TFAP2C: variants seen among roughly 807,000 people sequenced by gnomAD.
TFAP2C encodes transcription factor AP-2 gamma.
Under a neutral mutation model 42.9 loss-of-function variants are expected in TFAP2C, and 9 were observed. The observed-to-expected ratio is 0.21, with a 90% confidence interval of 0.13 to 0.37. TFAP2C has a LOEUF of 0.37. Ranked by LOEUF, TFAP2C falls within the 10% of genes least tolerant of loss-of-function variation. TFAP2C has a pLI of 1.00. For missense variants in TFAP2C, 462 were observed against 591.7 expected (o/e 0.78, Z 2.27); for synonymous variants, 264 against 256.0 (o/e 1.03, Z -0.30).
Position 56,629,518 on chromosome 20 carries a change from C to T in TFAP2C, c.-27C>T, listed in dbSNP as rs756851822. 1 of 1,399,306 alleles carries T rather than the reference C, an allele frequency of 7.1e-7. No homozygotes were observed. 86.7% of individuals were successfully genotyped at this position (1,399,306 alleles called of 1,614,324 possible). A position where few individuals can be genotyped will look rare whatever the true frequency, so the allele number is the denominator to read the frequency against. On this transcript the variant is annotated 5_prime_UTR_variant, in exon 1 of 7. Transcript: ENST00000201031. The surrounding 1 kb of genome is among the most constrained non-coding windows in gnomAD (Gnocchi z 5.9). ...CTGGGGGGATCCTGGATTTAACTGG[C>T]GACTGTTTTGGGGGACGCCGGACGC...
In TFAP2C at chr20:56,629,573, A is replaced by C; in HGVS notation, c.29A>C (p.Lys10Thr). The change falls in exon 1 of 7, where the codon AAG (lysine) becomes ACG (threonine). Residue 10 changes from lysine to threonine, a missense_variant. Physicochemically the swap from Lys to Thr is moderately conservative, Grantham distance 78 (BLOSUM62 -1). This residue lies in a region of TFAP2C where 271 missense variants were observed against 269.7 expected (regional missense o/e 1.00). Transcript: ENST00000201031. This position sits in a 1 kb window ranked among gnomAD's most constrained non-coding sequence, Gnocchi z 5.9. ...TTGTGGAAAATAACCGATAATGTCA[A>C]GTACGAAGAGGACTGCGAGGTGAGC... Reference protein sequence around the residue: MLWKITDNVKYEEDCEDRHD... With the variant: MLWKITDNVTYEEDCEDRHD... The C allele has an allele frequency of 1.4e-6, 2 of 1,424,518 alleles. No homozygotes were observed. The highest frequency in any genetic ancestry group is 1.8e-6 in the Non-Finnish European group (2 of 1,087,294). 88.2% of individuals were successfully genotyped at this position (1,424,518 alleles called of 1,614,324 possible). A position where few individuals can be genotyped will look rare whatever the true frequency, so the allele number is the denominator to read the frequency against.
Position 56,629,655 on chromosome 20 carries a change from C to T in TFAP2C, c.48+63C>T. On this transcript the variant is annotated intron_variant, in intron 1 of 6. Coordinates refer to ENST00000201031, the MANE Select transcript of TFAP2C (RefSeq NM_003222.4). This position sits in a 1 kb window ranked among gnomAD's most constrained non-coding sequence, Gnocchi z 5.9. The stretch of plus-strand genomic sequence containing the variant: ...AGGACAGTCCGGGAGGCAGGGGCCA[C>T]TGGACCGAGGTCGGGGACGAGGGCA... 4 of 1,306,278 alleles carry T rather than the reference C, an allele frequency of 3.1e-6. No homozygotes were observed. The highest frequency in any genetic ancestry group is 4.0e-6 in the Non-Finnish European group (4 of 1,010,058). 80.9% of individuals were successfully genotyped at this position (1,306,278 alleles called of 1,614,324 possible).
chr20:56,632,736 A>G (rs2146447253), intron 3 of TFAP2C, among the ~76,000 whole-genome samples: 1 of 150,930 alleles, frequency 6.6e-6, no homozygotes, highest in African/African-American at 2.5e-5. Context: ...TCTTGAGGGG[A>G]AAAAACTCAC....
chr20:56,636,896 G>A (rs2146449650), intron 6 of TFAP2C, 142 bp downstream of exon 6: 5 of 1,052,106 alleles, frequency 4.8e-6, no homozygotes, highest in Non-Finnish European at 4.0e-6. Flanking sequence ...AATGGCAAGG[G>A]AGCTTCTTTT....
In TFAP2C at chr20:56,629,560, A is replaced by G. The variant is rs969831066; in HGVS notation, c.16A>G (p.Thr6Ala). The G allele has an allele frequency of 4.2e-6, 6 of 1,427,298 alleles. No homozygotes were observed. In the South Asian group the frequency reaches 8.7e-5, roughly 21 times the overall value. The allele number at this position is 1,427,298 out of a possible 1,614,324, so 88.4% of individuals were successfully genotyped here. Residue 6 changes from threonine (T) to alanine (A), a missense_variant, in exon 1 of 7, where the codon ACC becomes GCC. Transcript: ENST00000201031. This position sits in a 1 kb window ranked among gnomAD's most constrained non-coding sequence, Gnocchi z 5.9. Reference sequence around the variant, plus strand: ...GCCGGACGCCATGTTGTGGAAAATAACCGATAATGTCAAGTACGAAGAGGA... The same window carrying G: ...GCCGGACGCCATGTTGTGGAAAATAGCCGATAATGTCAAGTACGAAGAGGA... MLWKITDNVKYEEDCE... is the reference protein window; with the variant it reads MLWKIADNVKYEEDCE...
rs1228655239 is a variant in TFAP2C at position 56,630,714 on chromosome 20, C to T, written c.49-491C>T. 8.1e-6 allele frequency: 8 copies of T among 985,334 alleles called. No homozygotes were observed. Among genetic ancestry groups the T allele is most frequent in the African/African-American group, 1.7e-5 (1 of 57,350 alleles). 61.0% of individuals were successfully genotyped at this position (985,334 alleles called of 1,614,324 possible). On this transcript the variant is annotated intron_variant, in intron 1 of 6. Transcript: ENST00000201031. This position sits in a 1 kb window ranked among gnomAD's most constrained non-coding sequence, Gnocchi z 5.1. ...GGCGTGGAAGGGAGGGTCCCGGGGG[C>T]GGGGGAGGTGCGCATTTCCCGCGCC...
rs1450607490 is a variant in TFAP2C, at chr20:56,629,914, A to G, written c.48+322A>G. On this transcript the variant is annotated intron_variant, in intron 1 of 6. Transcript: ENST00000201031. The surrounding 1 kb of genome is among the most constrained non-coding windows in gnomAD (Gnocchi z 5.9). ...AAAGTGCCCCGTCTGCAACCCTCAG[A>G]CGTGGCTTTTACGCACGAAGTCTCT... Among the ~76,000 whole-genome samples, 1 of 151,966 alleles carries G rather than the reference A, an allele frequency of 6.6e-6. No individual in the cohort carries two copies. The highest frequency in any genetic ancestry group is 1.5e-5 in the Non-Finnish European group (1 of 67,976).
In TFAP2C at chr20:56,638,027, A is replaced by G. The variant is rs1299753816; in HGVS notation, c.*14A>G. ...CACAGGAAATAAAATTGGAACGAAG[A>G]AAGGTTAGGAGAGTAGGGAAGGAAC... is the stretch of plus-strand genomic sequence containing the variant. On this transcript the variant is annotated 3_prime_UTR_variant, in exon 7 of 7. Coordinates refer to ENST00000201031, the MANE Select transcript of TFAP2C (RefSeq NM_003222.4). The G allele has an allele frequency of 6.2e-7, 1 of 1,608,898 alleles. No individual in the cohort carries two copies. Among genetic ancestry groups the G allele is most frequent in the Non-Finnish European group, 8.5e-7 (1 of 1,177,162 alleles).
rs748272468 is a variant in TFAP2C at position 56,631,531 on chromosome 20, G to A, written c.375G>A (p.Leu125=). The A allele has an allele frequency of 4.6e-6, 7 of 1,525,916 alleles. No homozygotes were observed. The highest frequency in any genetic ancestry group is 6.1e-6 in the Non-Finnish European group (7 of 1,143,400). The allele number at this position is 1,525,916 out of a possible 1,614,324, so 94.5% of individuals were successfully genotyped here. The change falls in exon 2 of 7, where the codon CTG becomes CTA. Residue 125 remains leucine (L), a synonymous_variant. Coordinates refer to ENST00000201031, the MANE Select transcript of TFAP2C (RefSeq NM_003222.4). The surrounding 1 kb of genome is among the most constrained non-coding windows in gnomAD (Gnocchi z 6.1). ...PSHHGRPAGL[L]PHLSGLEAGA... is the part of the protein sequence containing the mutation. ...ACCACGGGCGCCCGGCCGGCCTACTGCCCCACCTCTCCGGGCTGGAGGCGG... is the reference window on the plus strand; with the variant it reads ...ACCACGGGCGCCCGGCCGGCCTACTACCCCACCTCTCCGGGCTGGAGGCGG...
Position 56,630,829 on chromosome 20 carries a change from C to T in TFAP2C, c.49-376C>T, listed in dbSNP as rs1600896460. The T allele has an allele frequency of 4.1e-6, 4 of 985,230 alleles. No homozygotes were observed. Among genetic ancestry groups the T allele is most frequent in the Non-Finnish European group, 4.8e-6 (4 of 829,874 alleles). The allele number at this position is 985,230 out of a possible 1,614,324, so 61.0% of individuals were successfully genotyped here. A position where few individuals can be genotyped will look rare whatever the true frequency, so the allele number is the denominator to read the frequency against. On this transcript the variant is annotated intron_variant, in intron 1 of 6. Coordinates refer to ENST00000201031, the MANE Select transcript of TFAP2C (RefSeq NM_003222.4). The surrounding 1 kb of genome is among the most constrained non-coding windows in gnomAD (Gnocchi z 5.1). Reference sequence around the variant, plus strand: ...ACGAGATAGCTCTGCACCGGGCGTCCGGCTCCTTCGCCCCGGGCTCTGGCT... The same window carrying T: ...ACGAGATAGCTCTGCACCGGGCGTCTGGCTCCTTCGCCCCGGGCTCTGGCT...
In TFAP2C at chr20:56,630,838, C is replaced by A; in HGVS notation, c.49-367C>A. ...CTCTGCACCGGGCGTCCGGCTCCTT[C>A]GCCCCGGGCTCTGGCTCCTTCGCCC... On this transcript the variant is annotated intron_variant, in intron 1 of 6. Transcript: ENST00000201031. The surrounding 1 kb of genome is among the most constrained non-coding windows in gnomAD (Gnocchi z 5.1). The A allele has an allele frequency of 3.0e-6, 3 of 984,178 alleles. No individual in the cohort carries two copies. The highest frequency in any genetic ancestry group is 3.6e-6 in the Non-Finnish European group (3 of 829,510). 61.0% of individuals were successfully genotyped at this position (984,178 alleles called of 1,614,324 possible). A position where few individuals can be genotyped will look rare whatever the true frequency, so the allele number is the denominator to read the frequency against.
intron 3 of TFAP2C, among the ~76,000 whole-genome samples, 162 bp from the exon 4 acceptor site, chr20:56,633,191 T>G (rs1281367241): frequency 6.6e-6 from 1 of 151,884 alleles, no homozygotes; most frequent in African/African-American, 2.4e-5. Flanking sequence ...AGTGAGACTC[T>G]TATTATTTTT....
chr20:56,636,444 T>C (rs1293225320), intron 5 of TFAP2C, among the ~76,000 whole-genome samples, 166 bp from the exon 6 acceptor site: 2 of 151,096 alleles, frequency 1.3e-5, no homozygotes, highest in African/African-American at 2.4e-5. Flanking sequence ...GAGAATTGCT[T>C]GAATTCCGGA....
Position 56,636,703 on chromosome 20 carries a change from T to C in TFAP2C, c.1016T>C (p.Leu339Pro). Residue 339 changes from leucine (L) to proline (P), a missense_variant, in exon 6 of 7, where the codon CTT becomes CCT. This residue lies in a region of TFAP2C where 130 missense variants were observed against 160.8 expected (regional missense o/e 0.81). Transcript: ENST00000201031. ...PVAEYLTRPH[L>P]GGRNEMAARK... is the part of the protein sequence containing the mutation. ...GCAGAATATTTAACCAGACCTCATCTTGGAGGACGAAATGAGATGGCAGCT... is the reference window on the plus strand; with the variant it reads ...GCAGAATATTTAACCAGACCTCATCCTGGAGGACGAAATGAGATGGCAGCT... 1 of 1,614,006 alleles carries C rather than the reference T, an allele frequency of 6.2e-7. No individual in the cohort carries two copies. The highest frequency in any genetic ancestry group is 8.5e-7 in the Non-Finnish European group (1 of 1,180,002).
At chr20:56,634,477 G>T (rs1987549009) in intron 5 of TFAP2C, among the ~76,000 whole-genome samples, 1 of 152,152 alleles carries the variant, frequency 6.6e-6, no homozygotes, top group Admixed American at 6.5e-5. Context: ...GCTCAGGTAG[G>T]CTCTTCTGTA....
chr20:56,633,274 C>G, intron 3 of TFAP2C, 79 bp from the exon 4 acceptor site: 1 of 1,105,110 alleles, frequency 9.0e-7, no homozygotes, highest in Admixed American at 2.1e-5. Context: ...TCACTTTCAG[C>G]TTTGGTTATT....
intron 5 of TFAP2C, among the ~76,000 whole-genome samples, chr20:56,635,858 A>T (rs1192101204): frequency 2.0e-5 from 3 of 152,178 alleles, no homozygotes; most frequent in Non-Finnish European, 4.4e-5. Context: ...AGTTTAAATC[A>T]TCTCTGCATC....
chr20:56,632,748 G>A (rs533979549), intron 3 of TFAP2C, among the ~76,000 whole-genome samples: 37 of 151,378 alleles, frequency 2.4e-4, no homozygotes, highest in African/African-American at 8.0e-4. Context: ...AAAACTCACC[G>A]TTTATTTAGT....
At position 56,630,226 on chromosome 20, in the gene TFAP2C, G is replaced by A; in HGVS notation, c.48+634G>A. 1 of 297,498 alleles carries A rather than the reference G, an allele frequency of 3.4e-6. No individual in the cohort carries two copies. The highest frequency in any genetic ancestry group is 6.9e-6 in the Non-Finnish European group (1 of 144,646). 18.4% of individuals were successfully genotyped at this position (297,498 alleles called of 1,614,324 possible). Reference sequence around the variant, plus strand: ...CGGGAAGAGGAAGAAGACGCAGGCAGCGCTAGGCGAGCTCAGGGGCGCCGG... The same window carrying A: ...CGGGAAGAGGAAGAAGACGCAGGCAACGCTAGGCGAGCTCAGGGGCGCCGG... On this transcript the variant is annotated intron_variant, in intron 1 of 6. Transcript: ENST00000201031. The surrounding 1 kb of genome is among the most constrained non-coding windows in gnomAD (Gnocchi z 5.1).
Sources: gnomAD v4.1 joint callset for allele counts (sites outside exome capture counted in the v4.1 genomes callset) on GRCh38, gnomAD v4.1.1 for gene constraint, gnomAD v4.1.1 regional missense constraint, Gnocchi (gnomAD v3.1) non-coding constraint, MANE v1.5 for transcripts, NCBI Gene and HGNC (gene_info 2026-07-23, HGNC 2026-07-21) for gene names.